The following RFX6 variants were observed in gnomAD, a reference collection of about 807,000 sequenced individuals.
RFX6 encodes regulatory factor X6.
In RFX6, 50 loss-of-function variants were observed where a neutral mutation model predicts 110.8. The observed-to-expected ratio is 0.45, with a 90% CI of 0.36 to 0.57. RFX6 has a LOEUF of 0.57. RFX6 is among the 20% of genes least tolerant of loss of function. The probability of loss-of-function intolerance (pLI) is 0.00; values close to 1 mark genes in which losing one functional copy is unlikely to be tolerated. For synonymous variants in RFX6, 383 were observed against 411.2 expected, an observed-to-expected ratio of 0.93 and a Z score of 0.83; for missense variants, 990 against 1,127.0, an observed-to-expected ratio of 0.88 and a Z score of 1.74.
intron 3 of RFX6, among the ~76,000 whole-genome samples, chr6:116,881,981 A>G (rs1774599702): frequency 6.6e-6 from 1 of 152,162 alleles, no homozygotes; most frequent in Non-Finnish European, 1.5e-5. Flanking sequence ...AGAAAGTTTT[A>G]TATGTCCTTT....
chr6:116,893,468 A>G (rs1222073887), intron 4 of RFX6, among the ~76,000 whole-genome samples: 1 of 152,152 alleles, frequency 6.6e-6, no homozygotes, highest in Non-Finnish European at 1.5e-5. Context: ...TGTTGCATGA[A>G]ATTTTGAAGT....
In RFX6 at chr6:116,925,677, G is replaced by T. The variant is rs766362716; in HGVS notation, c.1885+18G>T. ...GCTCACAGGTACGCTAAAGAGAACTGCTTAGGCTCCAGCACATCTCAGAGA... is the reference window on the plus strand; with the variant it reads ...GCTCACAGGTACGCTAAAGAGAACTTCTTAGGCTCCAGCACATCTCAGAGA... On this transcript the variant is annotated intron_variant, in intron 16 of 18. Transcript: ENST00000332958. 1.0e-5 allele frequency: 16 copies of T among 1,573,570 alleles called. No individual in the cohort carries two copies. The East Asian group carries it at 3.4e-4, about 33-fold the overall frequency.
intron 3 of RFX6, 77 bp from the exon 4 acceptor site, chr6:116,882,290 C>A: frequency 1.0e-6 from 1 of 1,004,342 alleles, no homozygotes; most frequent in East Asian, 2.4e-5. Context: ...TTTACTTTCC[C>A]CAAGTAATTG....
At chr6:116,918,120 G>C (rs780088838) in intron 10 of RFX6, 34 bp downstream of exon 10, 38 of 1,458,366 alleles carry the variant, frequency 2.6e-5, no homozygotes, top group East Asian at 1.1e-4. Flanking sequence ...AGCATTCCTA[G>C]TATAGGATTT....
At chr6:116,885,809 A>G (rs774776948) in intron 4 of RFX6, among the ~76,000 whole-genome samples, 4 of 152,126 alleles carry the variant, frequency 2.6e-5, no homozygotes, top group African/African-American at 4.8e-5. Context: ...CCATGCCACA[A>G]TTGTAAGGCA....
intron 9 of RFX6, among the ~76,000 whole-genome samples, chr6:116,916,835 T>C (rs1368620382): frequency 6.6e-6 from 1 of 152,140 alleles, no homozygotes; most frequent in Non-Finnish European, 1.5e-5. Flanking sequence ...ATTGTCCTTC[T>C]AGGCAAACAT....
chr6:116,913,380 G>A (rs1775396706), intron 7 of RFX6, among the ~76,000 whole-genome samples: 1 of 152,088 alleles, frequency 6.6e-6, no homozygotes, highest in African/African-American at 2.4e-5. Flanking sequence ...CTTCTTTAAG[G>A]CCGAAAGAAT....
chr6:116,903,111 G>T (rs1267880040), intron 6 of RFX6, among the ~76,000 whole-genome samples: 1 of 151,940 alleles, frequency 6.6e-6, no homozygotes, highest in Admixed American at 6.6e-5. Flanking sequence ...TATATTAGTG[G>T]AATTAGAATG....
At chr6:116,880,693 G>T in intron 3 of RFX6, 26 bp downstream of exon 3, 1 of 1,611,946 alleles carries the variant, frequency 6.2e-7, no homozygotes, top group South Asian at 1.1e-5. Context: ...TGGCTATAGT[G>T]ACTTATAACT....
chr6:116,920,677 C>A (rs1265943093), intron 12 of RFX6, among the ~76,000 whole-genome samples: 1 of 151,422 alleles, frequency 6.6e-6, no homozygotes, highest in Non-Finnish European at 1.5e-5. Context: ...AAAATCACAT[C>A]TGATTGAAAA....
At chr6:116,909,661 T>C (rs1582526265) in intron 6 of RFX6, among the ~76,000 whole-genome samples, 2 of 149,634 alleles carry the variant, frequency 1.3e-5, no homozygotes, top group Non-Finnish European at 1.5e-5. Flanking sequence ...GAAAAGAGAT[T>C]AATAAAGTAA....
intron 7 of RFX6, among the ~76,000 whole-genome samples, chr6:116,915,402 C>A (rs540563302): frequency 3.9e-4 from 60 of 152,232 alleles, no homozygotes; most frequent in African/African-American, 1.4e-3. Context: ...TTTCTTAACA[C>A]CATGTAAGTA....
Position 116,927,555 on chromosome 6 carries a change from A to G in RFX6, c.2398+16A>G, listed in dbSNP as rs1775773720. The G allele has an allele frequency of 1.2e-6, 2 of 1,609,360 alleles. No homozygotes were observed. The highest frequency in any genetic ancestry group is 2.2e-5 in the South Asian group (2 of 91,050). Reference sequence around the variant, plus strand: ...TCACCAAATGGTATTGATATTTAAAAGAATTTTTCTTGGTTTTTGAGATGG... The same window carrying G: ...TCACCAAATGGTATTGATATTTAAAGGAATTTTTCTTGGTTTTTGAGATGG... On this transcript the variant is annotated intron_variant, in intron 17 of 18. Coordinates refer to ENST00000332958, the MANE Select transcript of RFX6 (RefSeq NM_173560.4).
At chr6:116,916,855 G>T (rs1476502123) in intron 9 of RFX6, among the ~76,000 whole-genome samples, 1 of 152,046 alleles carries the variant, frequency 6.6e-6, no homozygotes, top group African/African-American at 2.4e-5. Context: ...TTTAATGGAA[G>T]ACAGAAAGAG....
At chr6:116,880,428 T>C in intron 2 of RFX6, 116 bp from the exon 3 acceptor site, 1 of 858,768 alleles carries the variant, frequency 1.2e-6, no homozygotes, top group Non-Finnish European at 1.9e-6. Context: ...AGTCTACTTA[T>C]GTCTACTCAT....
At chr6:116,879,971 A>C (rs1774552210) in intron 2 of RFX6, among the ~76,000 whole-genome samples, 1 of 152,098 alleles carries the variant, frequency 6.6e-6, no homozygotes, top group South Asian at 2.1e-4. Context: ...AGATAATTAT[A>C]GTACTGATGA....
chr6:116,921,169 C>G (rs1169785317), intron 12 of RFX6, among the ~76,000 whole-genome samples: 1 of 152,186 alleles, frequency 6.6e-6, no homozygotes, highest in East Asian at 1.9e-4. Context: ...GGACTGCTCT[C>G]TGGGGCCCAA....
At chr6:116,915,074 T>C (rs1775434246) in intron 7 of RFX6, among the ~76,000 whole-genome samples, 1 of 152,100 alleles carries the variant, frequency 6.6e-6, no homozygotes, top group South Asian at 2.1e-4. Context: ...TCACGTAGAG[T>C]ACATAACTGG....
intron 4 of RFX6, among the ~76,000 whole-genome samples, chr6:116,888,039 A>G (rs1271480241): frequency 6.6e-6 from 1 of 152,188 alleles, no homozygotes; most frequent in Non-Finnish European, 1.5e-5. Context: ...GTAGTGATTT[A>G]GTGGGTTAAT....
Sources: allele counts gnomAD v4.1 joint callset (sites outside exome capture counted in the v4.1 genomes callset), GRCh38; gene constraint gnomAD v4.1.1; transcripts MANE v1.5; gene names NCBI Gene and HGNC (gene_info 2026-07-23, HGNC 2026-07-21).